Variants in C7orf57 observed in about 807,000 individuals in gnomAD.
C7orf57 encodes the protein chromosome 7 open reading frame 57.
Under a neutral mutation model 39.0 loss-of-function variants are expected in C7orf57, and 33 were observed. The ratio of observed to expected loss-of-function variants is 0.85; its 90% confidence interval spans 0.64 to 1.13. C7orf57 has a LOEUF of 1.13. Among genes scored for constraint, C7orf57 ranks in the 50% most tolerant of loss-of-function variants. C7orf57 has a pLI of 0.00. For synonymous variants in C7orf57, 124 were observed against 137.1 expected, an observed-to-expected ratio of 0.90 and a Z score of 0.67; for missense variants, 346 against 362.3, an observed-to-expected ratio of 0.95 and a Z score of 0.37.
At chr7:48,050,099 G>T in intron 6 of C7orf57, 122 bp downstream of exon 6, 2 of 694,348 alleles carry the variant, frequency 2.9e-6, no homozygotes, top group Non-Finnish European at 5.2e-6. Context: ...CCTGTCTGTG[G>T]CCTGGCCTGG....
intron 4 of C7orf57, among the ~76,000 whole-genome samples, chr7:48,045,502 C>T (rs996040957): frequency 6.6e-6 from 1 of 152,148 alleles, no homozygotes; most frequent in African/African-American, 2.4e-5. Context: ...CCTCTTCACT[C>T]GCTCTCTCGG....
chr7:48,035,659 G>A lies in C7orf57; in HGVS notation c.-102+29G>A, dbSNP rs745926165. On this transcript the variant is annotated intron_variant, in intron 1 of 8. Transcript: ENST00000348904. The surrounding 1 kb of genome is among the most constrained non-coding windows in gnomAD (Gnocchi z 4.0). Reference sequence around the variant, plus strand: ...AGCCTGAGCGGGCTGGAGGACAATGGGGGCGCCCACTGTGGTCCCGGGCCT... The same window carrying A: ...AGCCTGAGCGGGCTGGAGGACAATGAGGGCGCCCACTGTGGTCCCGGGCCT... The A allele has an allele frequency of 7.3e-4, 472 of 648,584 alleles. 2 individuals carry two copies. The highest frequency in any genetic ancestry group is 8.6e-5 in the Non-Finnish European group (31 of 358,388). 40.2% of individuals were successfully genotyped at this position (648,584 alleles called of 1,614,324 possible).
chr7:48,049,567 G>A (rs1790813869), intron 5 of C7orf57, among the ~76,000 whole-genome samples: 1 of 152,120 alleles, frequency 6.6e-6, no homozygotes, highest in Admixed American at 6.6e-5. Context: ...AGGTGCTTTT[G>A]TGAACATATG....
intron 6 of C7orf57, among the ~76,000 whole-genome samples, chr7:48,051,750 T>TTTTCTTTC (rs368758672): frequency 0.016 from 849 of 54,634 alleles, 42 homozygotes; most frequent in East Asian, 0.042. Context: ...TTTCTTTTTC[T>TTTTCTTTC]TTTCTTTCTT....
chr7:48,049,345 C>G (rs1234182295), intron 5 of C7orf57, among the ~76,000 whole-genome samples: 1 of 152,164 alleles, frequency 6.6e-6, no homozygotes, highest in Non-Finnish European at 1.5e-5. Context: ...GGCATGGCGT[C>G]TTTCCTGCTT....
chr7:48,049,656 T>A (rs1414879504), intron 5 of C7orf57, among the ~76,000 whole-genome samples: 1 of 152,198 alleles, frequency 6.6e-6, no homozygotes, highest in Non-Finnish European at 1.5e-5. Flanking sequence ...ATGGCATCTT[T>A]ACTCAAATAT....
chr7:48,052,204 C>T (rs1320356750), intron 6 of C7orf57, among the ~76,000 whole-genome samples: 2 of 152,072 alleles, frequency 1.3e-5, no homozygotes, highest in South Asian at 2.1e-4. Context: ...GATCTCTTGA[C>T]CTCATGGCTG....
At chr7:48,045,686 A>T (rs1157722876) in intron 4 of C7orf57, among the ~76,000 whole-genome samples, 1 of 151,938 alleles carries the variant, frequency 6.6e-6, no homozygotes, top group African/African-American at 2.4e-5. Flanking sequence ...CCCCTCAGAC[A>T]CTGCATGGGG....
At chr7:48,048,660 G>A (rs1010751767) in intron 5 of C7orf57, among the ~76,000 whole-genome samples, 4 of 151,890 alleles carry the variant, frequency 2.6e-5, no homozygotes, top group East Asian at 3.9e-4. Flanking sequence ...TGACTAAGGC[G>A]TCCCTTGTGT....
chr7:48,051,786 C>CTTTCT (rs1790913422), intron 6 of C7orf57, among the ~76,000 whole-genome samples: 1 of 65,336 alleles, frequency 1.5e-5, no homozygotes, highest in Non-Finnish European at 3.3e-5. Context: ...TTCTTTCTTT[C>CTTTCT]TTTCTTTCTT....
chr7:48,036,588 A>AT (rs1790373774), intron 2 of C7orf57, among the ~76,000 whole-genome samples: 1 of 152,140 alleles, frequency 6.6e-6, no homozygotes, highest in Admixed American at 6.5e-5. Flanking sequence ...GTTTTTCTTT[A>AT]TTTTCAACAA....
At position 48,060,301 on chromosome 7, in the gene C7orf57, T is replaced by C. The variant is rs917884930; in HGVS notation, c.*29T>C. 2 of 1,431,664 alleles carry C rather than the reference T, an allele frequency of 1.4e-6. No individual in the cohort carries two copies. The highest frequency in any genetic ancestry group is 1.9e-6 in the Non-Finnish European group (2 of 1,051,802). 88.7% of individuals were successfully genotyped at this position (1,431,664 alleles called of 1,614,324 possible). A position where few individuals can be genotyped will look rare whatever the true frequency, so the allele number is the denominator to read the frequency against. ...CTGATGCAATATGTATTTAGGATAA[T>C]TTTTAAATGGCTAAATATGACATGA... On this transcript the variant is annotated 3_prime_UTR_variant, in exon 9 of 9. Coordinates refer to ENST00000348904, the MANE Select transcript of C7orf57 (RefSeq NM_001100159.3).
intron 8 of C7orf57, among the ~76,000 whole-genome samples, chr7:48,059,588 C>T (rs1050745574): frequency 3.3e-5 from 5 of 152,198 alleles, no homozygotes; most frequent in African/African-American, 1.2e-4. Context: ...TAAGCTGAAG[C>T]AATCCACCCA....
chr7:48,046,316 G>A, intron 4 of C7orf57, 144 bp from the exon 5 acceptor site: 1 of 678,678 alleles, frequency 1.5e-6, no homozygotes, highest in Non-Finnish European at 2.4e-6. Context: ...AGAGAGAGAG[G>A]AGAAAGGAAA....
intron 5 of C7orf57, among the ~76,000 whole-genome samples, chr7:48,047,903 T>C (rs1417383993): frequency 6.6e-6 from 1 of 152,168 alleles, no homozygotes; most frequent in Non-Finnish European, 1.5e-5. Flanking sequence ...TAGATTTATC[T>C]CTTAGTGTTG....
intron 4 of C7orf57, among the ~76,000 whole-genome samples, chr7:48,043,808 C>A (rs1031923681): frequency 3.9e-5 from 6 of 152,022 alleles, no homozygotes; most frequent in African/African-American, 1.4e-4. Flanking sequence ...ACCCTAGAGT[C>A]TTGTGTCTTT....
chr7:48,037,306 C>G (rs138846533), intron 2 of C7orf57, among the ~76,000 whole-genome samples: 1 of 152,332 alleles, frequency 6.6e-6, no homozygotes, highest in East Asian at 1.9e-4. Flanking sequence ...CTGCCAGGCA[C>G]TGTTCTAAGT....
At chr7:48,036,820 G>A (rs1024514242) in intron 2 of C7orf57, among the ~76,000 whole-genome samples, 11 of 152,162 alleles carry the variant, frequency 7.2e-5, no homozygotes, top group Non-Finnish European at 1.3e-4. Context: ...TCTGGGTTTA[G>A]TGTCTGGATA....
intron 5 of C7orf57, among the ~76,000 whole-genome samples, 167 bp downstream of exon 5, chr7:48,046,783 A>G (rs761176923): frequency 5.3e-5 from 8 of 152,268 alleles, no homozygotes; most frequent in Non-Finnish European, 1.0e-4. Context: ...AGCAGGCACC[A>G]TACTATGGTC....
Sources: gnomAD v4.1 joint callset for allele counts (sites outside exome capture counted in the v4.1 genomes callset) on GRCh38, gnomAD v4.1.1 for gene constraint, Gnocchi (gnomAD v3.1) non-coding constraint, MANE v1.5 for transcripts, NCBI Gene and HGNC (gene_info 2026-07-23, HGNC 2026-07-21) for gene names.